The following ACVR1 variants were observed in gnomAD, a reference collection of about 807,000 sequenced individuals.
ACVR1 encodes activin A receptor type 1.
In ACVR1, 38 loss-of-function variants were observed where a neutral mutation model predicts 57.1. The observed-to-expected ratio is 0.67, with a 90% CI of 0.51 to 0.87. The LOEUF is 0.87. Among genes scored for constraint, ACVR1 ranks in the 40% least tolerant of loss-of-function variants. The pLI, the probability that ACVR1 is intolerant of heterozygous loss-of-function variation, is 0.00. For missense variants in ACVR1, 463 were observed against 638.2 expected, an observed-to-expected ratio of 0.73 and a Z score of 2.96; for synonymous variants, 212 against 228.1, an observed-to-expected ratio of 0.93 and a Z score of 0.63.
chr2:157,760,774 G>A (rs773029527), intron 9 of ACVR1, 106 bp downstream of exon 9: 54 of 1,141,554 alleles, frequency 4.7e-5, no homozygotes, highest in African/African-American at 7.7e-5. Flanking sequence ...CGACACGTAC[G>A]ATTCAAAGAA....
chr2:157,756,955 C>T (rs1165542989), intron 9 of ACVR1, among the ~76,000 whole-genome samples: 6 of 143,926 alleles, frequency 4.2e-5, no homozygotes, highest in Non-Finnish European at 6.0e-5. Flanking sequence ...TCTATCTACA[C>T]GTATTTTTTA....
intron 9 of ACVR1, among the ~76,000 whole-genome samples, chr2:157,746,822 A>G (rs1292821968): frequency 6.6e-6 from 1 of 152,268 alleles, no homozygotes; most frequent in African/African-American, 2.4e-5. Context: ...CTTTCCTACC[A>G]ATTCCAAATT....
At chr2:157,750,629 G>C (rs1685145794) in intron 9 of ACVR1, among the ~76,000 whole-genome samples, 1 of 152,056 alleles carries the variant, frequency 6.6e-6, no homozygotes, top group East Asian at 1.9e-4. Context: ...ATAAAATTGG[G>C]AGAAACAAAG....
chr2:157,841,818 T>C (rs932211016), intron 1 of ACVR1, among the ~76,000 whole-genome samples: 1 of 151,872 alleles, frequency 6.6e-6, no homozygotes, highest in Admixed American at 6.6e-5. Flanking sequence ...GGTCAGGAGA[T>C]CGAGATCATC....
At chr2:157,849,744 C>T (rs369191402) in intron 1 of ACVR1, among the ~76,000 whole-genome samples, 8 of 152,192 alleles carry the variant, frequency 5.3e-5, no homozygotes, top group Non-Finnish European at 5.9e-5. Context: ...CAGGAACATA[C>T]ACGGATAACC....
At chr2:157,823,146 A>T (rs1387451487) in intron 1 of ACVR1, among the ~76,000 whole-genome samples, 1 of 152,194 alleles carries the variant, frequency 6.6e-6, no homozygotes, top group Non-Finnish European at 1.5e-5. Context: ...CCTATCCTGC[A>T]CTGGCTCCAA....
At chr2:157,835,228 C>A (rs948504499) in intron 1 of ACVR1, among the ~76,000 whole-genome samples, 9 of 152,146 alleles carry the variant, frequency 5.9e-5, no homozygotes, top group African/African-American at 2.2e-4. Context: ...TGGTTAAAAC[C>A]CAGAACTGAG....
chr2:157,869,511 T>C (rs984929380), intron 1 of ACVR1, among the ~76,000 whole-genome samples: 4 of 152,224 alleles, frequency 2.6e-5, no homozygotes, highest in Non-Finnish European at 4.4e-5. Context: ...TGAATATTAA[T>C]TAAAAAGCAT....
intron 1 of ACVR1, chr2:157,826,604 T>C (rs1325977728): frequency 1.4e-5 from 2 of 141,656 alleles, no homozygotes; most frequent in African/African-American, 2.7e-5. Flanking sequence ...CAGTGGGCTA[T>C]GGTCACAGCA....
intron 1 of ACVR1, among the ~76,000 whole-genome samples, chr2:157,845,265 T>C (rs1185028217): frequency 6.6e-6 from 1 of 152,210 alleles, no homozygotes; most frequent in Non-Finnish European, 1.5e-5. Flanking sequence ...GAGTGTGACC[T>C]TATTTGGGAA....
intron 6 of ACVR1, among the ~76,000 whole-genome samples, chr2:157,771,959 C>G (rs1218887210): frequency 6.6e-6 from 1 of 152,286 alleles, no homozygotes; most frequent in East Asian, 1.9e-4. Flanking sequence ...GTATGCTAAT[C>G]TTTTCCTGCC....
At chr2:157,854,215 A>AAAAAG (rs1553450959) in intron 1 of ACVR1, among the ~76,000 whole-genome samples, 1 of 152,072 alleles carries the variant, frequency 6.6e-6, no homozygotes, top group East Asian at 1.9e-4. Context: ...AAAAAAAAAA[A>AAAAAG]AAGAAGCATT....
chr2:157,772,990 C>G (rs1054028064), intron 6 of ACVR1, among the ~76,000 whole-genome samples: 2 of 152,092 alleles, frequency 1.3e-5, no homozygotes, highest in Non-Finnish European at 2.9e-5. Flanking sequence ...TCCATGAAAA[C>G]AAGAAGAAAA....
chr2:157,785,828 T>C (rs1278255091), intron 3 of ACVR1, among the ~76,000 whole-genome samples: 7 of 152,188 alleles, frequency 4.6e-5, no homozygotes, highest in Admixed American at 6.5e-5. Context: ...CTTCCGCCAA[T>C]GTTCCCTGCC....
chr2:157,737,761 G>A lies in ACVR1; in HGVS notation c.1396-96C>T, dbSNP rs919522306. 2.3e-5 allele frequency: 34 copies of A among 1,502,786 alleles called. No homozygotes were observed. In the Admixed American group the frequency reaches 5.0e-4, roughly 22 times the overall value. 93.1% of individuals were successfully genotyped at this position (1,502,786 alleles called of 1,614,324 possible). On this transcript the variant is annotated intron_variant, in intron 10 of 10. Coordinates refer to ENST00000434821, the MANE Select transcript of ACVR1 (RefSeq NM_001111067.4). ...TCATGTCTACTATTCTGAAGAACTCGCAGGTCTTGTGAAATTAGAGTTATG... is the reference window on the plus strand; with the variant it reads ...TCATGTCTACTATTCTGAAGAACTCACAGGTCTTGTGAAATTAGAGTTATG...
chr2:157,752,699 T>C (rs959002822), intron 9 of ACVR1, among the ~76,000 whole-genome samples: 2 of 152,112 alleles, frequency 1.3e-5, no homozygotes, highest in African/African-American at 2.4e-5. Flanking sequence ...GAAACGAAGA[T>C]TGATAAATGA....
At chr2:157,751,371 A>G (rs1345837115) in intron 9 of ACVR1, among the ~76,000 whole-genome samples, 1 of 152,206 alleles carries the variant, frequency 6.6e-6, no homozygotes, top group Admixed American at 6.5e-5. Flanking sequence ...GGGCTGCCGG[A>G]GGAACTGGGA....
At chr2:157,830,090 G>T (rs977199832) in intron 1 of ACVR1, among the ~76,000 whole-genome samples, 1 of 152,104 alleles carries the variant, frequency 6.6e-6, no homozygotes, top group Non-Finnish European at 1.5e-5. Context: ...GTGGTAGCAG[G>T]CTCCTGTAAT....
chr2:157,802,176 C>T (rs1687349115), intron 2 of ACVR1, among the ~76,000 whole-genome samples: 1 of 151,986 alleles, frequency 6.6e-6, no homozygotes, highest in East Asian at 1.9e-4. Context: ...AGTAGAGGTA[C>T]TAGGAAAAGG....
Sources: gnomAD v4.1 joint callset for allele counts (sites outside exome capture counted in the v4.1 genomes callset) on GRCh38, gnomAD v4.1.1 for gene constraint, MANE v1.5 for transcripts, NCBI Gene and HGNC (gene_info 2026-07-23, HGNC 2026-07-21) for gene names.